Variants in ANO6 observed in about 807,000 individuals in gnomAD.
ANO6 encodes the protein anoctamin-6.
ANO6 carries 106 observed loss-of-function variants against 117.5 expected under a neutral mutation model. The ratio of observed to expected loss-of-function variants is 0.90; its 90% CI spans 0.77 to 1.06. The LOEUF is 1.06. ANO6 is among the 50% of genes least tolerant of loss of function. The pLI is 0.00. For synonymous variants in ANO6, 367 were observed against 385.1 expected, an observed-to-expected ratio of 0.95 and a Z score of 0.55; for missense variants, 955 against 1,121.1, an observed-to-expected ratio of 0.85 and a Z score of 2.12.
intron 1 of ANO6, among the ~76,000 whole-genome samples, chr12:45,267,861 G>T (rs74757600): frequency 6.6e-6 from 1 of 152,190 alleles, no homozygotes; most frequent in East Asian, 1.9e-4. Context: ...ACCGGAAATA[G>T]CCCTCCACTT....
At position 45,348,527 on chromosome 12, in the gene ANO6, A is replaced by T. The variant is rs549091177; in HGVS notation, c.643A>T (p.Ile215Phe). 6.2e-7 allele frequency: 1 copy of T among 1,613,784 alleles called. No individual in the cohort carries two copies. The highest frequency in any genetic ancestry group is 1.7e-5 in the Admixed American group (1 of 59,990). The change falls in exon 6 of 20, where the codon ATC (isoleucine) becomes TTC (phenylalanine). Residue 215 changes from isoleucine (I) to phenylalanine (F), a missense_variant. Coordinates refer to ENST00000320560, the MANE Select transcript of ANO6 (RefSeq NM_001025356.3). ...TTTGGAATCTTTTTAGGTTTACTTC[A>T]TCCTCTCTCGGGTCAAGTATCAAGT... ...PATRSRIVYF[I>F]LSRVKYQVIN...
At chr12:45,293,534 G>T (rs1032865044) in intron 1 of ANO6, among the ~76,000 whole-genome samples, 1 of 151,488 alleles carries the variant, frequency 6.6e-6, no homozygotes, top group Non-Finnish European at 1.5e-5. Context: ...CCTATAACTG[G>T]ATGTCCAACT....
chr12:45,372,120 GATGAAATGA>G (rs1426716684), intron 9 of ANO6, among the ~76,000 whole-genome samples: 3 of 152,180 alleles, frequency 2.0e-5, no homozygotes, highest in African/African-American at 4.8e-5. Context: ...AGCAATGGAA[GATGAAATGA>G]ATGAAATGAA....
chr12:45,357,264 T>C, intron 7 of ANO6, 26 bp from the exon 8 acceptor site: 1 of 1,611,826 alleles, frequency 6.2e-7, no homozygotes, highest in Non-Finnish European at 8.5e-7. Flanking sequence ...TTGCATCTTC[T>C]AAAAATAATT....
chr12:45,437,865 G>A (rs1235436955), intron 19 of ANO6, among the ~76,000 whole-genome samples: 3 of 151,916 alleles, frequency 2.0e-5, no homozygotes, highest in East Asian at 1.9e-4. Context: ...CACCACACCC[G>A]ACCTCAAAAC....
Position 45,265,462 on chromosome 12 carries a change from AAATGAT to A in ANO6, c.71-36544_71-36539del, listed in dbSNP as rs1461029248. The stretch of plus-strand genomic sequence containing the variant: ...TCTTGCAGTGTGGAATGATAATAAT[AAATGAT>A]AATGATAGCAGTTATGTCTTGAGTG... On this transcript the variant is annotated intron_variant, in intron 1 of 19. Coordinates refer to ENST00000320560, the MANE Select transcript of ANO6 (RefSeq NM_001025356.3). Among the ~76,000 whole-genome samples the A allele has an allele frequency of 2.6e-5, 4 of 152,188 alleles. No individual in the cohort carries two copies. The East Asian group carries it at 7.7e-4, about 29-fold the overall frequency.
chr12:45,423,273 C>T (rs1283204638), intron 19 of ANO6, among the ~76,000 whole-genome samples: 4 of 152,108 alleles, frequency 2.6e-5, no homozygotes, highest in Admixed American at 6.5e-5. Flanking sequence ...GCATGTTATG[C>T]GCAAAGGGGA....
chr12:45,222,183 C>G (rs1377360909), intron 1 of ANO6, among the ~76,000 whole-genome samples: 1 of 150,616 alleles, frequency 6.6e-6, no homozygotes, highest in South Asian at 2.1e-4. Context: ...GCCCGGCCCC[C>G]CCACTCCAGC....
chr12:45,237,169 G>T (rs1037988626), intron 1 of ANO6, among the ~76,000 whole-genome samples: 4 of 152,180 alleles, frequency 2.6e-5, no homozygotes, highest in Non-Finnish European at 4.4e-5. Context: ...CTCCCATTCT[G>T]TAGGTTGCCT....
intron 9 of ANO6, among the ~76,000 whole-genome samples, chr12:45,375,361 G>C (rs1941978017): frequency 6.6e-6 from 1 of 152,078 alleles, no homozygotes; most frequent in African/African-American, 2.4e-5. Flanking sequence ...CTACTTTAAA[G>C]TTCATATGGA....
At chr12:45,361,096 A>G (rs950933693) in intron 8 of ANO6, among the ~76,000 whole-genome samples, 4 of 152,134 alleles carry the variant, frequency 2.6e-5, no homozygotes, top group African/African-American at 4.8e-5. Context: ...TAGGATTTTG[A>G]TAAGAATAAT....
chr12:45,423,014 C>T lies in ANO6; in HGVS notation c.2478C>T (p.Tyr826=). The T allele has an allele frequency of 6.2e-7, 1 of 1,614,134 alleles. No homozygotes were observed. Among genetic ancestry groups the T allele is most frequent in the Admixed American group, 1.7e-5 (1 of 60,034 alleles). ...GHPQEYKHNI[Y]YWHVIAAKLA... is the part of the protein sequence containing the mutation. ...CCCAGGAGTATAAACACAACATCTA[C>T]TATTGGCATGTGATTGCAGCCAAGC... Residue 826 remains tyrosine (Y), a synonymous_variant, in exon 19 of 20, where the codon TAC becomes TAT. Transcript: ENST00000320560.
chr12:45,325,426 A>G (rs1940427579), intron 2 of ANO6, among the ~76,000 whole-genome samples: 1 of 152,162 alleles, frequency 6.6e-6, no homozygotes, highest in African/African-American at 2.4e-5. Flanking sequence ...GGATATTTGA[A>G]CCTTAAGAGT....
intron 1 of ANO6, among the ~76,000 whole-genome samples, chr12:45,288,941 CAG>C (rs959067156): frequency 2.6e-5 from 4 of 151,378 alleles, no homozygotes; most frequent in Admixed American, 2.6e-4. Context: ...TTAGTAGAGA[CAG>C]GGTTTCACCG....
intron 1 of ANO6, among the ~76,000 whole-genome samples, chr12:45,292,476 A>G (rs904501888): frequency 6.6e-6 from 1 of 152,240 alleles, no homozygotes; most frequent in Non-Finnish European, 1.5e-5. Context: ...ATGCTTATAT[A>G]TTACGTTACT....
chr12:45,350,156 T>C (rs1941242897), intron 6 of ANO6, among the ~76,000 whole-genome samples: 1 of 152,228 alleles, frequency 6.6e-6, no homozygotes, highest in South Asian at 2.1e-4. Flanking sequence ...TGTAACATGA[T>C]ACCCAGCTTT....
chr12:45,430,371 T>G lies in ANO6; in HGVS notation c.*1060T>G, dbSNP rs1348818046. ...GCAGAAACAGCAAGTGCCCTCATTG[T>G]GGTCATTGGGTGGGGAGTGCCTTTT... is the stretch of plus-strand genomic sequence containing the variant. On this transcript the variant is annotated 3_prime_UTR_variant, in exon 20 of 20. Coordinates refer to ENST00000320560, the MANE Select transcript of ANO6 (RefSeq NM_001025356.3). 2.0e-6 allele frequency: 2 copies of G among 985,292 alleles called. No homozygotes were observed. Among genetic ancestry groups the G allele is most frequent in the African/African-American group, 3.5e-5 (2 of 57,218 alleles). The allele number at this position is 985,292 out of a possible 1,614,324, so 61.0% of individuals were successfully genotyped here.
chr12:45,261,322 G>A (rs1938025763), intron 1 of ANO6, among the ~76,000 whole-genome samples: 1 of 152,198 alleles, frequency 6.6e-6, no homozygotes, highest in Non-Finnish European at 1.5e-5. Context: ...TTAGTTCTAG[G>A]TAGAGGGCCG....
intron 1 of ANO6, among the ~76,000 whole-genome samples, chr12:45,241,344 G>A (rs1947740578): frequency 6.6e-6 from 1 of 152,100 alleles, no homozygotes; most frequent in South Asian, 2.1e-4. Flanking sequence ...GATCAAATCA[G>A]CTATTGAAGC....
Sources: gnomAD v4.1 joint callset for allele counts (sites outside exome capture counted in the v4.1 genomes callset) on GRCh38, gnomAD v4.1.1 for gene constraint, MANE v1.5 for transcripts, NCBI Gene and HGNC (gene_info 2026-07-23, HGNC 2026-07-21) for gene names.